The following WDR19 variants were observed in gnomAD, a reference collection of about 807,000 sequenced individuals.
WDR19 encodes the protein WD repeat-containing protein 19.
Under a neutral mutation model 180.0 loss-of-function variants are expected in WDR19, and 121 were observed. That is an observed-to-expected ratio of 0.67 (90% CI 0.58 to 0.78). The LOEUF (loss-of-function observed/expected upper bound fraction) is 0.78, where lower values mean the gene tolerates loss of function less well. WDR19 is among the 30% of genes least tolerant of loss of function. The pLI is 0.00. For missense variants in WDR19, 1,450 were observed against 1,640.7 expected, an observed-to-expected ratio of 0.88 and a Z score of 2.01; for synonymous variants, 497 against 540.7, an observed-to-expected ratio of 0.92 and a Z score of 1.12.
chr4:39,204,873 C>T (rs1018991834), intron 7 of WDR19, among the ~76,000 whole-genome samples: 1 of 152,118 alleles, frequency 6.6e-6, no homozygotes. Flanking sequence ...CTGTAGTGTG[C>T]AGTACTCTAA....
chr4:39,219,011 TAAC>T (rs1403889946), intron 14 of WDR19: 2 of 152,262 alleles, frequency 1.3e-5, no homozygotes, highest in African/African-American at 4.8e-5. Context: ...TCAGCGGGAA[TAAC>T]ATGCATGGAG....
intron 19 of WDR19, 86 bp downstream of exon 19, chr4:39,232,358 C>G: frequency 2.8e-6 from 3 of 1,066,346 alleles, no homozygotes; most frequent in Non-Finnish European, 4.1e-6. Flanking sequence ...GGTGCAGCCG[C>G]TCACGCCTCT....
chr4:39,255,762 C>G, intron 26 of WDR19, 86 bp from the exon 27 acceptor site: 1 of 618,132 alleles, frequency 1.6e-6, no homozygotes, highest in Non-Finnish European at 2.6e-6. Context: ...TTTTTAATCA[C>G]CTATTTTTAG....
In WDR19 at chr4:39,245,371, C is replaced by T. The variant is rs1328854619; in HGVS notation, c.2648C>T (p.Ala883Val). 6.2e-7 allele frequency: 1 copy of T among 1,612,980 alleles called. No homozygotes were observed. The highest frequency in any genetic ancestry group is 8.5e-7 in the Non-Finnish European group (1 of 1,179,536). The change falls in exon 24 of 37, where the codon GCA becomes GTA. Residue 883 changes from alanine (A) to valine (V), a missense_variant and splice_region_variant. Physicochemically the swap from Ala to Val is moderately conservative, Grantham distance 64. Coordinates refer to ENST00000399820, the MANE Select transcript of WDR19 (RefSeq NM_025132.4). The stretch of plus-strand genomic sequence containing the variant: ...TTCTCCTGGACCTACCTTTCCAGGG[C>T]AAAAGTTGGTGATCTTCTGCCCCAC... ...ASVYIRSKNW[A>V]KVGDLLPHVS...
intron 5 of WDR19, among the ~76,000 whole-genome samples, chr4:39,198,073 G>A (rs1726960950): frequency 6.6e-6 from 1 of 152,000 alleles, no homozygotes; most frequent in African/African-American, 2.4e-5. Context: ...GAACTCCTGG[G>A]CTCATGCAAT....
At chr4:39,268,702 G>A (rs573792144) in intron 30 of WDR19, among the ~76,000 whole-genome samples, 83 of 152,230 alleles carry the variant, frequency 5.5e-4, no homozygotes, top group African/African-American at 1.9e-3. Flanking sequence ...TTCAGCTTAC[G>A]TTGATCTAAC....
At chr4:39,234,477 T>A (rs1480338391) in intron 19 of WDR19, among the ~76,000 whole-genome samples, 2 of 152,186 alleles carry the variant, frequency 1.3e-5, no homozygotes, top group Non-Finnish European at 2.9e-5. Flanking sequence ...AAAAATTAAA[T>A]ACTAAGGACT....
At chr4:39,193,366 G>A (rs184200777) in intron 4 of WDR19, among the ~76,000 whole-genome samples, 1 of 151,904 alleles carries the variant, frequency 6.6e-6, no homozygotes, top group East Asian at 1.9e-4. Flanking sequence ...CACCATAATG[G>A]CCAGGCTGGT....
intron 36 of WDR19, among the ~76,000 whole-genome samples, chr4:39,285,129 AG>A (rs1419438200): frequency 6.6e-6 from 1 of 151,756 alleles, no homozygotes; most frequent in East Asian, 1.9e-4. Context: ...TACTGGTTGA[AG>A]CTGTTGTTCA....
At position 39,266,118 on chromosome 4, in the gene WDR19, G is replaced by A. The variant is rs563109570; in HGVS notation, c.3239G>A (p.Gly1080Glu). The change falls in exon 29 of 37, where the codon GGG becomes GAG. Residue 1080 changes from glycine (G) to glutamate (E), a missense_variant. Physicochemically the swap from Gly to Glu is moderately conservative, Grantham distance 98. Transcript: ENST00000399820. ...LTNQLIDHLL[G>E]ENDGMPKDAK... ...AATCAGCTGATAGACCATCTCCTGG[G>A]GGAGAACGATGGCATGCCTAAGGTA... 6.4e-7 allele frequency: 1 copy of A among 1,563,726 alleles called. No individual in the cohort carries two copies.
chr4:39,249,308 C>T (rs1025668303), intron 24 of WDR19, among the ~76,000 whole-genome samples: 1 of 151,980 alleles, frequency 6.6e-6, no homozygotes, highest in Non-Finnish European at 1.5e-5. Context: ...AGAACAAAGA[C>T]ACAACATACC....
intron 36 of WDR19, among the ~76,000 whole-genome samples, chr4:39,284,360 A>C (rs1736926723): frequency 9.0e-6 from 1 of 110,800 alleles, no homozygotes; most frequent in South Asian, 2.8e-4. Context: ...TTTTTTTGAG[A>C]CAGGATCTCA....
intron 24 of WDR19, among the ~76,000 whole-genome samples, chr4:39,251,187 C>T (rs886075998): frequency 3.9e-5 from 6 of 152,174 alleles, no homozygotes; most frequent in African/African-American, 1.2e-4. Context: ...CAGAACAGAG[C>T]CCTCAGAAAT....
intron 9 of WDR19, among the ~76,000 whole-genome samples, chr4:39,206,755 G>A (rs1045983661): frequency 6.6e-6 from 1 of 152,154 alleles, no homozygotes; most frequent in Non-Finnish European, 1.5e-5. Context: ...TCTTATACTA[G>A]CCACTGAGTG....
Position 39,194,544 on chromosome 4 carries a change from G to A in WDR19, c.291G>A (p.Arg97=). ...AGTAATTTATATCTTAATGTTACAG[G>A]GATCAAATGTCTTTCCTTCTTTGGT... ...NKTSQLDNGM[R]DQMSFLLWSK... is the part of the protein sequence containing the mutation. The change falls in exon 5 of 37, where the codon AGG becomes AGA. Residue 97 remains arginine (R), a splice_region_variant and synonymous_variant. Coordinates refer to ENST00000399820, the MANE Select transcript of WDR19 (RefSeq NM_025132.4). 1 of 1,599,326 alleles carries A rather than the reference G, an allele frequency of 6.3e-7. No individual in the cohort carries two copies. The highest frequency in any genetic ancestry group is 8.6e-7 in the Non-Finnish European group (1 of 1,168,598).
intron 21 of WDR19, among the ~76,000 whole-genome samples, chr4:39,244,043 G>A (rs562837770): frequency 3.2e-4 from 48 of 151,870 alleles, no homozygotes; most frequent in African/African-American, 1.0e-3. Context: ...CTAGGCTTTC[G>A]CAGAACAAAA....
intron 31 of WDR19, among the ~76,000 whole-genome samples, chr4:39,271,707 C>A (rs1375810333): frequency 6.6e-6 from 1 of 152,208 alleles, no homozygotes; most frequent in African/African-American, 2.4e-5. Context: ...CGCAGTACAT[C>A]TTTCCGTATT....
chr4:39,199,902 T>C (rs191781937), intron 6 of WDR19, among the ~76,000 whole-genome samples: 18 of 152,344 alleles, frequency 1.2e-4, no homozygotes, highest in Admixed American at 1.1e-3. Flanking sequence ...TGTGTATTTA[T>C]AATACAAATG....
intron 31 of WDR19, 100 bp from the exon 32 acceptor site, chr4:39,272,880 C>A: frequency 1.0e-6 from 1 of 965,638 alleles, no homozygotes; most frequent in Non-Finnish European, 1.5e-6. Flanking sequence ...CCCACAGTGA[C>A]CCTGGGCCAT....
Sources: allele counts gnomAD v4.1 joint callset (sites outside exome capture counted in the v4.1 genomes callset), GRCh38; gene constraint gnomAD v4.1.1; transcripts MANE v1.5; gene names NCBI Gene and HGNC (gene_info 2026-07-23, HGNC 2026-07-21).